Variants in LRRC4C observed in about 807,000 individuals in gnomAD.
LRRC4C encodes the protein leucine-rich repeat-containing protein 4C.
Under a neutral mutation model 33.6 loss-of-function variants are expected in LRRC4C, and 5 were observed. The observed-to-expected ratio is 0.15, with a 90% CI of 0.08 to 0.31. LRRC4C has a LOEUF of 0.31. Ranked by LOEUF, LRRC4C falls within the 10% of genes least tolerant of loss-of-function variation. LRRC4C has a pLI of 1.00. For missense variants in LRRC4C, 560 were observed against 796.7 expected (o/e 0.70, Z 3.58); for synonymous variants, 329 against 302.0 (o/e 1.09, Z -0.93).
intron 3 of LRRC4C, among the ~76,000 whole-genome samples, chr11:40,466,287 AG>A (rs1952648429): frequency 1.3e-5 from 2 of 152,148 alleles, no homozygotes; most frequent in African/African-American, 4.8e-5. Context: ...GGGGAGAGTG[AG>A]GGATGATAAA....
At chr11:41,101,256 A>G (rs1431878712) in intron 1 of LRRC4C, among the ~76,000 whole-genome samples, 1 of 152,176 alleles carries the variant, frequency 6.6e-6, no homozygotes, top group East Asian at 1.9e-4. Context: ...CGCATCTGAC[A>G]AAGGTCTAAT....
chr11:41,063,229 C>G lies in LRRC4C; in HGVS notation c.-495-129506G>C, dbSNP rs569463811. 1.6e-4 allele frequency among the ~76,000 whole-genome samples: 25 copies of G among 152,144 alleles called. 1 individual carries two copies. The South Asian group carries it at 5.2e-3, about 32-fold the overall frequency. The stretch of plus-strand genomic sequence containing the variant: ...CATTTAGCATGAGAGAAAACTATAC[C>G]TTTATTATTTATTAAGAAACTAGTA... On this transcript the variant is annotated intron_variant, in intron 1 of 6. Coordinates refer to ENST00000528697, the MANE Select transcript of LRRC4C (RefSeq NM_001258419.2).
At chr11:40,190,781 CAG>C (rs1861774208) in intron 5 of LRRC4C, among the ~76,000 whole-genome samples, 1 of 152,082 alleles carries the variant, frequency 6.6e-6, no homozygotes, top group African/African-American at 2.4e-5. Context: ...TAGCCTGAGT[CAG>C]AGAATCTGGG....
At chr11:41,120,613 A>G (rs1590658738) in intron 1 of LRRC4C, among the ~76,000 whole-genome samples, 2 of 152,134 alleles carry the variant, frequency 1.3e-5, no homozygotes, top group Non-Finnish European at 2.9e-5. Flanking sequence ...CTAACAGGCT[A>G]CCTAGTCTTT....
intron 3 of LRRC4C, among the ~76,000 whole-genome samples, chr11:40,502,919 C>T (rs1954848855): frequency 6.6e-6 from 1 of 152,160 alleles, no homozygotes; most frequent in Admixed American, 6.6e-5. Flanking sequence ...AGCATTCTCG[C>T]TTTGGCAAAG....
chr11:40,266,399 C>T (rs966829039), intron 4 of LRRC4C, among the ~76,000 whole-genome samples: 1 of 151,966 alleles, frequency 6.6e-6, no homozygotes, highest in African/African-American at 2.4e-5. Context: ...ACAGGGAGGT[C>T]GAGGCTGCAG....
intron 1 of LRRC4C, among the ~76,000 whole-genome samples, chr11:40,938,021 T>G (rs1957981893): frequency 6.6e-6 from 1 of 152,154 alleles, no homozygotes; most frequent in Non-Finnish European, 1.5e-5. Flanking sequence ...ATAGCAGTAA[T>G]TCTCTCTGTG....
chr11:40,831,403 T>C (rs1303595585), intron 2 of LRRC4C, among the ~76,000 whole-genome samples: 2 of 152,080 alleles, frequency 1.3e-5, no homozygotes, highest in African/African-American at 4.8e-5. Context: ...AGCAGACATA[T>C]CTGATGAACC....
intron 2 of LRRC4C, among the ~76,000 whole-genome samples, chr11:40,713,851 T>C (rs1047982361): frequency 6.6e-6 from 1 of 152,220 alleles, no homozygotes; most frequent in Non-Finnish European, 1.5e-5. Context: ...AAGATTGCTC[T>C]CAGTGATTTC....
At chr11:40,131,368 A>G (rs1348561361) in intron 6 of LRRC4C, among the ~76,000 whole-genome samples, 3 of 152,228 alleles carry the variant, frequency 2.0e-5, no homozygotes, top group Non-Finnish European at 4.4e-5. Context: ...GAAGTAAATT[A>G]CCAAAAATCA....
At chr11:40,682,778 A>AAATAAATT (rs761497397) in intron 2 of LRRC4C, among the ~76,000 whole-genome samples, 1 of 144,282 alleles carries the variant, frequency 6.9e-6, no homozygotes, top group Admixed American at 6.9e-5. Context: ...ATAAATAAAT[A>AAATAAATT]AAATAAAGAT....
intron 1 of LRRC4C, among the ~76,000 whole-genome samples, chr11:41,036,408 CA>C (rs142900097): frequency 0.019 from 2,935 of 152,260 alleles, 98 homozygotes; most frequent in African/African-American, 0.061. Context: ...TCCTTTCTCT[CA>C]GCTCCAGATG....
At chr11:41,144,774 T>C (rs1943658342) in intron 1 of LRRC4C, among the ~76,000 whole-genome samples, 1 of 152,212 alleles carries the variant, frequency 6.6e-6, no homozygotes, top group South Asian at 2.1e-4. Flanking sequence ...CTTAAAGAAT[T>C]TCTAATTCTT....
At chr11:41,004,310 C>T (rs1001460774) in intron 1 of LRRC4C, among the ~76,000 whole-genome samples, 1 of 152,142 alleles carries the variant, frequency 6.6e-6, no homozygotes, top group African/African-American at 2.4e-5. Context: ...TATGACCTGC[C>T]TTCCATCTTT....
At chr11:41,304,315 T>C (rs1400236322) in intron 1 of LRRC4C, among the ~76,000 whole-genome samples, 8 of 87,270 alleles carry the variant, frequency 9.2e-5, no homozygotes, top group African/African-American at 2.0e-4. Flanking sequence ...GGAGCCCCTC[T>C]GCCCGGCCAG....
Position 41,155,463 on chromosome 11 carries a change from T to G in LRRC4C, c.-495-221740A>C, listed in dbSNP as rs372749637. Among the ~76,000 whole-genome samples, 183 of 152,250 alleles carry G rather than the reference T, an allele frequency of 1.2e-3. 1 individual carries two copies. Among genetic ancestry groups the G allele is most frequent in the African/African-American group, 4.1e-3 (172 of 41,560 alleles). ...GCTGTTGAAGGAGGCTGATGAAGAT[T>G]TAAAGGTCTGCCTGAATCAATGATA... On this transcript the variant is annotated intron_variant, in intron 1 of 6. Transcript: ENST00000528697.
At chr11:40,903,305 G>GA (rs1489638884) in intron 2 of LRRC4C, among the ~76,000 whole-genome samples, 6 of 151,968 alleles carry the variant, frequency 3.9e-5, no homozygotes, top group Non-Finnish European at 5.9e-5. Context: ...TACTGCTAAG[G>GA]AAAAAAATAA....
chr11:40,318,583 AT>A (rs1945689661), intron 4 of LRRC4C, among the ~76,000 whole-genome samples: 1 of 152,030 alleles, frequency 6.6e-6, no homozygotes, highest in Non-Finnish European at 1.5e-5. Flanking sequence ...AATACATTAT[AT>A]TTCCTTGGTT....
At chr11:40,610,437 G>A (rs1021079436) in intron 3 of LRRC4C, among the ~76,000 whole-genome samples, 18 of 151,606 alleles carry the variant, frequency 1.2e-4, no homozygotes, top group African/African-American at 4.4e-4. Flanking sequence ...GGTGAAAGAA[G>A]GAAAGCTTTT....
Sources: gnomAD v4.1 joint callset for allele counts (sites outside exome capture counted in the v4.1 genomes callset) on GRCh38, gnomAD v4.1.1 for gene constraint, MANE v1.5 for transcripts, NCBI Gene and HGNC (gene_info 2026-07-23, HGNC 2026-07-21) for gene names.